The following ASB1 variants were observed in gnomAD, a reference collection of about 807,000 sequenced individuals.
The protein encoded by ASB1 is ankyrin repeat and SOCS box containing 1.
In ASB1, 18 loss-of-function variants were observed where a neutral mutation model predicts 27.7. That is an observed-to-expected ratio of 0.65 (90% CI 0.45 to 0.96). The LOEUF (loss-of-function observed/expected upper bound fraction) is 0.96, where lower values mean the gene tolerates loss of function less well. ASB1 is among the 50% of genes least tolerant of loss of function. ASB1 has a pLI of 0.00. For missense variants in ASB1, 397 were observed against 451.7 expected (o/e 0.88, Z 1.10); for synonymous variants, 189 against 187.6 (o/e 1.01, Z -0.06).
rs975803770 is a variant in ASB1, at chr2:238,452,027, G to A, written c.*5516G>A. 1 of 152,134 alleles carries A rather than the reference G, an allele frequency of 6.6e-6. No individual in the cohort carries two copies. The highest frequency in any genetic ancestry group is 2.4e-5 in the African/African-American group (1 of 41,428). The allele number at this position is 152,134 out of a possible 1,614,324, so 9.4% of individuals were successfully genotyped here. On this transcript the variant is annotated 3_prime_UTR_variant, in exon 5 of 5. Transcript: ENST00000264607. ...CGTGGTTTCCAGTTTGAAGAGAGTT[G>A]TGCCCCTAAAAGTGTTTGAAACCTG...
chr2:238,450,640 T>C lies in ASB1; in HGVS notation c.*4129T>C, dbSNP rs750645915. On this transcript the variant is annotated 3_prime_UTR_variant, in exon 5 of 5. Transcript: ENST00000264607. ...TCTGCTGCTCATGGCCAAGAACGAG[T>C]CTGGAGATCGCTGCGTGCGGTTTTA... 6 of 152,106 alleles carry C rather than the reference T, an allele frequency of 3.9e-5. No homozygotes were observed. Among genetic ancestry groups the C allele is most frequent in the Non-Finnish European group, 5.9e-5 (4 of 68,048 alleles). The allele number at this position is 152,106 out of a possible 1,614,324, so 9.4% of individuals were successfully genotyped here.
chr2:238,444,309 T>C (rs1238711844), intron 3 of ASB1, 33 bp from the exon 4 acceptor site: 3 of 1,576,098 alleles, frequency 1.9e-6, no homozygotes, highest in Non-Finnish European at 2.6e-6. Context: ...GTCAGTCCCC[T>C]GCACAGTCTG....
chr2:238,429,657 C>T (rs1042330623), intron 1 of ASB1, among the ~76,000 whole-genome samples: 3 of 152,018 alleles, frequency 2.0e-5, no homozygotes, highest in Admixed American at 1.3e-4. Flanking sequence ...ATAGGCCAGG[C>T]GCCAGTGGTT....
chr2:238,437,940 G>A (rs1702003463), intron 3 of ASB1, among the ~76,000 whole-genome samples: 1 of 152,198 alleles, frequency 6.6e-6, no homozygotes, highest in Admixed American at 6.5e-5. Context: ...AGGTTGTTAT[G>A]TTAGAGGGTG....
chr2:238,442,148 G>A (rs895363527), intron 3 of ASB1, among the ~76,000 whole-genome samples: 1 of 146,624 alleles, frequency 6.8e-6, no homozygotes, highest in African/African-American at 2.5e-5. Context: ...TTGAGATGAA[G>A]TCTCGCTCTG....
rs1454774378 is a variant in ASB1 at position 238,435,723 on chromosome 2, G to A, written c.204G>A (p.Glu68=). 6.2e-7 allele frequency: 1 copy of A among 1,612,790 alleles called. No individual in the cohort carries two copies. The highest frequency in any genetic ancestry group is 1.7e-5 in the Admixed American group (1 of 59,984). ...QEESYRSRIN[E]KSVWCCGWLP... is the part of the protein sequence containing the mutation. ...GTTCCTCCTGCAGCCGCATCAACGA[G>A]AAGTCTGTCTGGTGCTGTGGCTGGC... Residue 68 remains glutamate, a synonymous_variant, in exon 3 of 5, where the codon GAG becomes GAA. Coordinates refer to ENST00000264607, the MANE Select transcript of ASB1 (RefSeq NM_001040445.3).
chr2:238,448,808 G>A lies in ASB1; in HGVS notation c.*2297G>A, dbSNP rs1377949752. 6.6e-6 allele frequency: 1 copy of A among 152,444 alleles called. No homozygotes were observed. The highest frequency in any genetic ancestry group is 1.5e-5 in the Non-Finnish European group (1 of 68,214). 9.4% of individuals were successfully genotyped at this position (152,444 alleles called of 1,614,324 possible). ...CGTCATGCTCCTTTGCACAGCCCAG[G>A]GCCTGTTTTGGAGGGACCAGGTCAC... On this transcript the variant is annotated 3_prime_UTR_variant, in exon 5 of 5. Transcript: ENST00000264607.
At chr2:238,436,068 T>C in intron 3 of ASB1, 55 bp downstream of exon 3, 11 of 1,463,948 alleles carry the variant, frequency 7.5e-6, no homozygotes, top group Non-Finnish European at 9.0e-6. Flanking sequence ...TTCTTCTCTG[T>C]ATTTTGCAGT....
Position 238,448,217 on chromosome 2 carries a change from G to C in ASB1, c.*1706G>C, listed in dbSNP as rs1481214956. The C allele has an allele frequency of 6.6e-6, 1 of 152,538 alleles. No individual in the cohort carries two copies. Among genetic ancestry groups the C allele is most frequent in the African/African-American group, 2.4e-5 (1 of 41,468 alleles). The allele number at this position is 152,538 out of a possible 1,614,324, so 9.4% of individuals were successfully genotyped here. On this transcript the variant is annotated 3_prime_UTR_variant, in exon 5 of 5. Transcript: ENST00000264607. ...GCCAGGACAGCCGGGGCTGGGTGCT[G>C]CAGGGGCTTCAGCCCGGGAGAGGGG...
Position 238,452,084 on chromosome 2 carries a change from A to G in ASB1, c.*5573A>G, listed in dbSNP as rs1482778422. ...TCAAGCAAGGTACCGTTGTCCCCACAGTGTTCCGTGGGGTAGGGGGTGATG... is the reference window on the plus strand; with the variant it reads ...TCAAGCAAGGTACCGTTGTCCCCACGGTGTTCCGTGGGGTAGGGGGTGATG... On this transcript the variant is annotated 3_prime_UTR_variant, in exon 5 of 5. Coordinates refer to ENST00000264607, the MANE Select transcript of ASB1 (RefSeq NM_001040445.3). 1 of 152,116 alleles carries G rather than the reference A, an allele frequency of 6.6e-6. No homozygotes were observed. The highest frequency in any genetic ancestry group is 1.5e-5 in the Non-Finnish European group (1 of 68,024). 9.4% of individuals were successfully genotyped at this position (152,116 alleles called of 1,614,324 possible).
intron 1 of ASB1, 105 bp downstream of exon 1, chr2:238,427,224 T>A: frequency 1.1e-6 from 1 of 898,902 alleles, no homozygotes; most frequent in Non-Finnish European, 1.5e-6. Flanking sequence ...GCTGGCCGGG[T>A]CCACGGGGCA....
intron 2 of ASB1, chr2:238,435,082 G>C (rs1701941940): frequency 6.6e-6 from 1 of 152,532 alleles, no homozygotes; most frequent in Non-Finnish European, 1.5e-5. Flanking sequence ...TGCCTTGCTG[G>C]GTCGGTGGGT....
At chr2:238,444,797 C>A (rs1470432882) in intron 4 of ASB1, 70 bp downstream of exon 4, 9 of 1,484,586 alleles carry the variant, frequency 6.1e-6, no homozygotes, top group Non-Finnish European at 8.0e-6. Context: ...TAGCAATAAA[C>A]AAAAAACAAA....
intron 1 of ASB1, among the ~76,000 whole-genome samples, chr2:238,430,194 G>T (rs1701841365): frequency 6.6e-6 from 1 of 152,142 alleles, no homozygotes; most frequent in Admixed American, 6.6e-5. Flanking sequence ...TGTAGCATGA[G>T]ACGTTGTTTG....
At chr2:238,427,210 C>T (rs34337994) in intron 1 of ASB1, 91 bp downstream of exon 1, 39,515 of 980,910 alleles carry the variant, frequency 0.04, 1,673 homozygotes, top group African/African-American at 0.18. Context: ...CGTCCTCGTC[C>T]CGGGCTGGCC....
At chr2:238,437,179 C>T (rs1701988371) in intron 3 of ASB1, among the ~76,000 whole-genome samples, 1 of 151,990 alleles carries the variant, frequency 6.6e-6, no homozygotes, top group South Asian at 2.1e-4. Context: ...ATCTTTTCTT[C>T]TTATATGTTG....
chr2:238,446,050 C>T (rs1427679238), intron 4 of ASB1, among the ~76,000 whole-genome samples: 1 of 152,254 alleles, frequency 6.6e-6, no homozygotes, highest in Non-Finnish European at 1.5e-5. Context: ...CGGCCCGCAC[C>T]TGCTGGGGCC....
chr2:238,431,883 A>G (rs1364477236), intron 1 of ASB1, among the ~76,000 whole-genome samples: 4 of 152,246 alleles, frequency 2.6e-5, no homozygotes, highest in Admixed American at 6.5e-5. Flanking sequence ...ATTCATCACC[A>G]TAACAGATAA....
rs762595766 is a variant in ASB1 at position 238,435,969 on chromosome 2, C to T, written c.450C>T (p.His150=). The change falls in exon 3 of 5, where the codon CAC becomes CAT. Residue 150 remains histidine, a synonymous_variant. Coordinates refer to ENST00000264607, the MANE Select transcript of ASB1 (RefSeq NM_001040445.3). ...ACCATCGCAGCACCCCTGTCTACCACGCCTCTCGCGTGGGCCGGGCAGACA... is the reference window on the plus strand; with the variant it reads ...ACCATCGCAGCACCCCTGTCTACCATGCCTCTCGCGTGGGCCGGGCAGACA... ...SRHHRSTPVY[H]ASRVGRADIL... The T allele has an allele frequency of 1.6e-5, 26 of 1,613,830 alleles. No homozygotes were observed. The highest frequency in any genetic ancestry group is 3.3e-5 in the Admixed American group (2 of 60,004).
Sources: allele counts gnomAD v4.1 joint callset (sites outside exome capture counted in the v4.1 genomes callset), GRCh38; gene constraint gnomAD v4.1.1; transcripts MANE v1.5; gene names NCBI Gene and HGNC (gene_info 2026-07-23, HGNC 2026-07-21).